The following RBFOX1 variants were observed in gnomAD, a reference collection of about 807,000 sequenced individuals.
RBFOX1 encodes RNA binding fox-1 homolog 1.
RBFOX1 carries 8 observed loss-of-function variants against 57.7 expected under a neutral mutation model. The observed-to-expected ratio is 0.14, with a 90% CI of 0.08 to 0.25. The LOEUF (loss-of-function observed/expected upper bound fraction) is 0.25. Among genes scored for constraint, RBFOX1 ranks in the 10% least tolerant of loss-of-function variants. The pLI is 1.00. For synonymous variants in RBFOX1, 326 were observed against 222.4 expected (o/e 1.47, Z -4.15); for missense variants, 611 against 548.5 (o/e 1.11, Z -1.14).
chr16:7,040,421 C>T (rs929933362), intron 3 of RBFOX1, among the ~76,000 whole-genome samples: 4 of 152,142 alleles, frequency 2.6e-5, no homozygotes, highest in Admixed American at 1.3e-4. Context: ...TTACAATAAC[C>T]ATATAACTCA....
intron 4 of RBFOX1, among the ~76,000 whole-genome samples, chr16:7,132,801 C>G (rs546641320): frequency 1.1e-4 from 16 of 152,042 alleles, no homozygotes; most frequent in African/African-American, 3.9e-4. Context: ...AAACAGTGGG[C>G]TTATCAAAAT....
intron 3 of RBFOX1, among the ~76,000 whole-genome samples, chr16:5,747,763 TCTTTA>T (rs781593338): frequency 1.1e-4 from 16 of 152,298 alleles, no homozygotes; most frequent in Admixed American, 3.9e-4. Flanking sequence ...GATTCTTCCC[TCTTTA>T]CTTCTTTATT....
intron 1 of RBFOX1, among the ~76,000 whole-genome samples, chr16:6,114,364 T>G (rs748112645): frequency 1.6e-4 from 25 of 152,236 alleles, no homozygotes; most frequent in Admixed American, 2.6e-4. Flanking sequence ...TCATGCGGCA[T>G]TAAATTGTTG....
intron 2 of RBFOX1, among the ~76,000 whole-genome samples, chr16:6,369,363 T>G (rs757437125): frequency 3.3e-5 from 5 of 152,172 alleles, no homozygotes; most frequent in African/African-American, 9.7e-5. Context: ...AAAGGATTGA[T>G]TTAAAAAATG....
At chr16:6,742,924 A>G (rs921731106) in intron 3 of RBFOX1, among the ~76,000 whole-genome samples, 1 of 152,280 alleles carries the variant, frequency 6.6e-6, no homozygotes, top group African/African-American at 2.4e-5. Flanking sequence ...ACAGAAATCT[A>G]TACGTGTAAT....
chr16:7,126,262 G>A (rs79744140), intron 4 of RBFOX1: 4,805 of 275,772 alleles, frequency 0.017, 206 homozygotes, highest in African/African-American at 0.094. Context: ...CCAGAGTATC[G>A]TGTGTCTTCA....
intron 11 of RBFOX1, among the ~76,000 whole-genome samples, chr16:7,643,533 T>C (rs2063201610): frequency 1.3e-5 from 2 of 152,188 alleles, no homozygotes; most frequent in African/African-American, 4.8e-5. Context: ...TCTAGCTGAA[T>C]TTAGTTGTAA....
At chr16:5,594,102 C>G (rs866056253) in intron 2 of RBFOX1, among the ~76,000 whole-genome samples, 2 of 152,068 alleles carry the variant, frequency 1.3e-5, no homozygotes, top group Non-Finnish European at 2.9e-5. Context: ...TCATTGGGAA[C>G]TCATCATGCA....
At chr16:7,572,265 C>T (rs2092861624) in intron 5 of RBFOX1, among the ~76,000 whole-genome samples, 1 of 152,184 alleles carries the variant, frequency 6.6e-6, no homozygotes, top group African/African-American at 2.4e-5. Context: ...ATACATTTAT[C>T]ATTTTATGTA....
intron 2 of RBFOX1, among the ~76,000 whole-genome samples, chr16:6,563,415 C>T (rs2097210896): frequency 6.6e-6 from 1 of 152,094 alleles, no homozygotes; most frequent in South Asian, 2.1e-4. Context: ...AAACTGGGAT[C>T]CCCCCTAGAT....
intron 3 of RBFOX1, among the ~76,000 whole-genome samples, chr16:5,701,955 C>A (rs1181450665): frequency 1.3e-5 from 2 of 152,172 alleles, no homozygotes; most frequent in African/African-American, 4.8e-5. Context: ...AGACCTCTGT[C>A]TTGTTTCCTT....
At chr16:5,794,203 G>T (rs963090211) in intron 3 of RBFOX1, among the ~76,000 whole-genome samples, 6 of 152,116 alleles carry the variant, frequency 3.9e-5, no homozygotes, top group African/African-American at 1.4e-4. Flanking sequence ...ACTGAGCATT[G>T]CATGGAAACG....
chr16:5,335,401 C>A (rs1019954663), intron 1 of RBFOX1, among the ~76,000 whole-genome samples: 1 of 152,166 alleles, frequency 6.6e-6, no homozygotes, highest in Admixed American at 6.5e-5. Flanking sequence ...AAGGTGGAGG[C>A]TGGAGTTTTT....
At chr16:5,663,495 A>C (rs2049726128) in intron 3 of RBFOX1, among the ~76,000 whole-genome samples, 1 of 151,978 alleles carries the variant, frequency 6.6e-6, no homozygotes, top group Non-Finnish European at 1.5e-5. Flanking sequence ...ATGAGCTACC[A>C]CACCTGGCTG....
intron 2 of RBFOX1, among the ~76,000 whole-genome samples, chr16:6,634,829 C>CAT (rs929047637): frequency 5.2e-5 from 7 of 135,872 alleles, no homozygotes; most frequent in Admixed American, 4.5e-4. Context: ...CAAAGATATA[C>CAT]ATATATTTGT....
At chr16:5,430,010 A>G (rs1377586278) in intron 1 of RBFOX1, among the ~76,000 whole-genome samples, 1 of 152,178 alleles carries the variant, frequency 6.6e-6, no homozygotes, top group Non-Finnish European at 1.5e-5. Flanking sequence ...CTATCTCAAG[A>G]ACTTTGCAAA....
intron 4 of RBFOX1, among the ~76,000 whole-genome samples, chr16:7,363,905 G>C (rs2097381683): frequency 6.6e-6 from 1 of 152,116 alleles, no homozygotes; most frequent in African/African-American, 2.4e-5. Flanking sequence ...TTCATTGTTG[G>C]CACTTCAGCA....
chr16:5,504,545 T>C (rs2043311622), intron 2 of RBFOX1, among the ~76,000 whole-genome samples: 1 of 152,212 alleles, frequency 6.6e-6, no homozygotes, highest in Admixed American at 6.5e-5. Flanking sequence ...GCTGACGCCC[T>C]CCACGCGCCT....
At chr16:6,768,122 C>A (rs922163758) in intron 3 of RBFOX1, among the ~76,000 whole-genome samples, 4 of 151,020 alleles carry the variant, frequency 2.6e-5, no homozygotes, top group Non-Finnish European at 5.9e-5. Flanking sequence ...TGCTTGGCCC[C>A]CGAGGCAGAG....
Sources: gnomAD v4.1 joint callset for allele counts (sites outside exome capture counted in the v4.1 genomes callset) on GRCh38, gnomAD v4.1.1 for gene constraint, MANE v1.5 for transcripts, NCBI Gene and HGNC (gene_info 2026-07-23, HGNC 2026-07-21) for gene names.